The following FABP2 variants were observed in gnomAD, a reference collection of about 807,000 sequenced individuals.
FABP2 encodes fatty acid-binding protein, intestinal.
In FABP2, 11 loss-of-function variants were observed where a neutral mutation model predicts 16.1. That is an observed-to-expected ratio of 0.68 (90% confidence interval 0.43 to 1.13). FABP2 has a LOEUF of 1.13. Ranked by LOEUF, FABP2 falls within the 50% of genes most tolerant of loss-of-function variation. The pLI is 0.00. For synonymous variants in FABP2, 45 were observed against 50.9 expected (o/e 0.88, Z 0.49); for missense variants, 146 against 155.1 (o/e 0.94, Z 0.31).
chr4:119,321,784 A>G (rs1385414683), intron 1 of FABP2, among the ~76,000 whole-genome samples: 3 of 152,120 alleles, frequency 2.0e-5, no homozygotes, highest in African/African-American at 7.2e-5. Flanking sequence ...GGAAGGAAAC[A>G]TTTCTGGATC....
Position 119,317,823 on chromosome 4 carries a change from T to C in FABP2, c.*1218A>G, listed in dbSNP as rs1561397006. 1 of 152,066 alleles carries C rather than the reference T, an allele frequency of 6.6e-6. No individual in the cohort carries two copies. Among genetic ancestry groups the C allele is most frequent in the Non-Finnish European group, 1.5e-5 (1 of 67,990 alleles). The allele number at this position is 152,066 out of a possible 1,614,324, so 9.4% of individuals were successfully genotyped here. ...GAAAATATGAATAAAAGGAAACTTT[T>C]TGAGCCCTGGAAAATTGGCAATGTA... On this transcript the variant is annotated 3_prime_UTR_variant, in exon 4 of 4. Transcript: ENST00000274024.
rs770616869 is a variant in FABP2 at position 119,320,756 on chromosome 4, CT to C, written c.153del (p.Glu52AsnfsTer22). ...TCAATGTTTCGAAAAGTGCTTGATT[CT>C]TTGACTGTGAATTTATTTCCTTCTT... ...ITQEGNKFTV[K>X]ESSTFRNIEV... On this transcript the variant is annotated frameshift_variant, in exon 2 of 4. Transcript: ENST00000274024. LOFTEE classifies it high-confidence loss of function. The C allele has an allele frequency of 6.2e-6, 10 of 1,605,848 alleles. No homozygotes were observed. The African/African-American group carries it at 1.2e-4, about 19-fold the overall frequency.
In FABP2 at chr4:119,321,792, A is replaced by T. The variant is rs953819320; in HGVS notation, c.67+244T>A. On this transcript the variant is annotated intron_variant, in intron 1 of 3. Transcript: ENST00000274024. ...TAAAGAGGGAAGGAAACATTTCTGG[A>T]TCTTTTTGGTGTGTTTCAGAGAACA... Among the ~76,000 whole-genome samples, 3 of 152,150 alleles carry T rather than the reference A, an allele frequency of 2.0e-5. No individual in the cohort carries two copies. The East Asian group carries it at 5.8e-4, about 29-fold the overall frequency.
At chr4:119,321,110 A>G (rs1373813661) in intron 1 of FABP2, among the ~76,000 whole-genome samples, 2 of 152,156 alleles carry the variant, frequency 1.3e-5, no homozygotes, top group African/African-American at 4.8e-5. Context: ...TAATAAGATT[A>G]ACAAACTGTT....
At chr4:119,320,570 C>T (rs11935130) in intron 2 of FABP2, 100 bp downstream of exon 2, 2 of 912,302 alleles carry the variant, frequency 2.2e-6, no homozygotes, top group East Asian at 2.8e-5. Context: ...GTGAAGGAGA[C>T]CTGCATTAAT....
rs757914896 is a variant in FABP2 at position 119,318,271 on chromosome 4, G to A, written c.*770C>T. On this transcript the variant is annotated 3_prime_UTR_variant, in exon 4 of 4. Transcript: ENST00000274024. The stretch of plus-strand genomic sequence containing the variant: ...AATTATCTCTGGATTATGAGTTATG[G>A]AAATACTTATTTTACATTTGTGTTT... 6.6e-5 allele frequency: 10 copies of A among 152,000 alleles called. No individual in the cohort carries two copies. The highest frequency in any genetic ancestry group is 1.5e-4 in the Non-Finnish European group (10 of 67,968). 9.4% of individuals were successfully genotyped at this position (152,000 alleles called of 1,614,324 possible). A position where few individuals can be genotyped will look rare whatever the true frequency, so the allele number is the denominator to read the frequency against.
intron 2 of FABP2, 53 bp downstream of exon 2, chr4:119,320,617 A>G (rs2149498292): frequency 3.7e-6 from 5 of 1,363,316 alleles, no homozygotes; most frequent in East Asian, 2.5e-5. Context: ...AATCATTTTA[A>G]TATTGGGTAG....
intron 2 of FABP2, 104 bp downstream of exon 2, chr4:119,320,566 G>A (rs1755649469): frequency 6.9e-6 from 6 of 869,644 alleles, no homozygotes; most frequent in South Asian, 1.7e-5. Flanking sequence ...GTTAGTGAAG[G>A]AGACCTGCAT....
intron 1 of FABP2, among the ~76,000 whole-genome samples, chr4:119,321,416 A>G (rs745917021): frequency 2.0e-4 from 30 of 152,132 alleles, no homozygotes; most frequent in Non-Finnish European, 4.0e-4. Context: ...ACTGTAAGCT[A>G]TAATTGATGC....
intron 1 of FABP2, among the ~76,000 whole-genome samples, chr4:119,321,362 A>C (rs149358806): frequency 7.2e-5 from 11 of 152,224 alleles, no homozygotes; most frequent in Non-Finnish European, 1.0e-4. Context: ...CAAAATCACT[A>C]TAAGAATCTA....
intron 3 of FABP2, 35 bp downstream of exon 3, chr4:119,319,501 G>T (rs777637784): frequency 7.7e-7 from 1 of 1,307,074 alleles, no homozygotes; most frequent in South Asian, 1.2e-5. Context: ...AGTAATTTTT[G>T]CCTTTTGAAA....
rs55718154 is a variant in FABP2 at position 119,319,650 on chromosome 4, A to C, written c.241-7T>G. On this transcript the variant is annotated splice_polypyrimidine_tract_variant and splice_region_variant and intron_variant, in intron 2 of 3. Coordinates refer to ENST00000274024, the MANE Select transcript of FABP2 (RefSeq NM_000134.4). ...CCTCAAGGCTCCAGGTCCCCTACAT[A>C]ATAATAATAATAATAATAATAATAA... is the stretch of plus-strand genomic sequence containing the variant. 25,357 of 776,470 alleles carry C rather than the reference A, an allele frequency of 0.033. 343 individuals carry two copies. Among genetic ancestry groups the C allele is most frequent in the Non-Finnish European group, 0.035 (20,714 of 594,072 alleles). 48.1% of individuals were successfully genotyped at this position (776,470 alleles called of 1,614,324 possible). A position where few individuals can be genotyped will look rare whatever the true frequency, so the allele number is the denominator to read the frequency against.
At chr4:119,319,237 A>T (rs1755626105) in intron 3 of FABP2, 146 bp from the exon 4 acceptor site, 2 of 390,178 alleles carry the variant, frequency 5.1e-6, no homozygotes, top group Non-Finnish European at 8.8e-6. Context: ...GAGTTTATAC[A>T]ATTTTTTCTT....
chr4:119,319,473 C>A, intron 3 of FABP2, 63 bp downstream of exon 3: 1 of 965,776 alleles, frequency 1.0e-6, no homozygotes, highest in African/African-American at 1.7e-5. Flanking sequence ...TCAGCAGTGA[C>A]AAAAATTATT....
chr4:119,320,845 G>A lies in FABP2; in HGVS notation c.68-3C>T. The A allele has an allele frequency of 6.4e-7, 1 of 1,554,788 alleles. No homozygotes were observed. Among genetic ancestry groups the A allele is most frequent in the Non-Finnish European group, 8.6e-7 (1 of 1,159,454 alleles). ...CTTCCTTTTCACTATATTAACACCT[G>A]TAAAAGGTAAGACAATGGAGAAAAT... is the stretch of plus-strand genomic sequence containing the variant. On this transcript the variant is annotated splice_region_variant and splice_polypyrimidine_tract_variant and intron_variant, in intron 1 of 3. Coordinates refer to ENST00000274024, the MANE Select transcript of FABP2 (RefSeq NM_000134.4).
At position 119,318,920 on chromosome 4, in the gene FABP2, A is replaced by G. The variant is rs947739670; in HGVS notation, c.*121T>C. ...CTTTGGCATGAATGGAAATATACCAATGTTTATAAAAGGACCAATCAATCA... is the reference window on the plus strand; with the variant it reads ...CTTTGGCATGAATGGAAATATACCAGTGTTTATAAAAGGACCAATCAATCA... On this transcript the variant is annotated 3_prime_UTR_variant, in exon 4 of 4. Transcript: ENST00000274024. 9 of 699,656 alleles carry G rather than the reference A, an allele frequency of 1.3e-5. No individual in the cohort carries two copies. Among genetic ancestry groups the G allele is most frequent in the South Asian group, 6.1e-5 (3 of 49,286 alleles). The allele number at this position is 699,656 out of a possible 1,614,324, so 43.3% of individuals were successfully genotyped here. A position where few individuals can be genotyped will look rare whatever the true frequency, so the allele number is the denominator to read the frequency against.
rs1301457082 is a variant in FABP2, at chr4:119,317,910, A to G, written c.*1131T>C. Reference sequence around the variant, plus strand: ...AAGGGGGTGGTTAAAAATAACATTGATAACTGATATCTCCATTGTTCTCAA... The same window carrying G: ...AAGGGGGTGGTTAAAAATAACATTGGTAACTGATATCTCCATTGTTCTCAA... On this transcript the variant is annotated 3_prime_UTR_variant, in exon 4 of 4. Transcript: ENST00000274024. 1 of 152,100 alleles carries G rather than the reference A, an allele frequency of 6.6e-6. No individual in the cohort carries two copies. Among genetic ancestry groups the G allele is most frequent in the Non-Finnish European group, 1.5e-5 (1 of 67,982 alleles). 9.4% of individuals were successfully genotyped at this position (152,100 alleles called of 1,614,324 possible).
Position 119,318,649 on chromosome 4 carries a change from G to A in FABP2, c.*392C>T, listed in dbSNP as rs1755616792. 6.0e-6 allele frequency: 1 copy of A among 166,146 alleles called. No individual in the cohort carries two copies. The highest frequency in any genetic ancestry group is 1.3e-5 in the Non-Finnish European group (1 of 77,688). The allele number at this position is 166,146 out of a possible 1,614,324, so 10.3% of individuals were successfully genotyped here. Reference sequence around the variant, plus strand: ...GATTGCATGAGTCCAGGAGTTTGAGGTTACAGTGAGCTATGATCTCTCCAC... The same window carrying A: ...GATTGCATGAGTCCAGGAGTTTGAGATTACAGTGAGCTATGATCTCTCCAC... On this transcript the variant is annotated 3_prime_UTR_variant, in exon 4 of 4. Coordinates refer to ENST00000274024, the MANE Select transcript of FABP2 (RefSeq NM_000134.4).
At chr4:119,321,127 AG>A (rs1169952628) in intron 1 of FABP2, among the ~76,000 whole-genome samples, 1 of 152,098 alleles carries the variant, frequency 6.6e-6, no homozygotes, top group East Asian at 1.9e-4. Flanking sequence ...TGTTCATTTC[AG>A]TGTTAAGTAA....
Sources: allele counts gnomAD v4.1 joint callset (sites outside exome capture counted in the v4.1 genomes callset), GRCh38; gene constraint gnomAD v4.1.1; transcripts MANE v1.5; gene names NCBI Gene and HGNC (gene_info 2026-07-23, HGNC 2026-07-21).